Variants in COL1A2 observed in about 807,000 individuals in gnomAD.
COL1A2 encodes the protein collagen type I alpha 2 chain, also known as collagen alpha-2(I) chain.
A neutral mutation model predicts 174.3 loss-of-function variants in COL1A2; 49 were observed. The ratio of observed to expected loss-of-function variants is 0.28; its 90% confidence interval spans 0.22 to 0.36. The LOEUF is 0.36. COL1A2 is among the 10% of genes least tolerant of loss of function. The probability of loss-of-function intolerance (pLI) is 1.00; values close to 1 mark genes in which losing one functional copy is unlikely to be tolerated. For missense variants in COL1A2, 1,438 were observed against 1,822.7 expected (o/e 0.79, Z 3.84); for synonymous variants, 655 against 606.6 (o/e 1.08, Z -1.17).
At chr7:94,408,956 A>G in intron 16 of COL1A2, 133 bp downstream of exon 16, 2 of 860,568 alleles carry the variant, frequency 2.3e-6, no homozygotes, top group East Asian at 5.3e-5. Context: ...TTCAAAATGG[A>G]CATAGAATGA....
chr7:94,427,762 G>A lies in COL1A2; in HGVS notation c.3403G>A (p.Val1135Ile), dbSNP rs530579987. ...TTCTCTCAGACCCAAGGACTATGAA[G>A]TTGATGCTACTCTGAAGTCTCTCAA... ...APSLRPKDYE[V>I]DATLKSLNNQ... Residue 1135 changes from valine (V) to isoleucine (I), a missense_variant, in exon 49 of 52, where the codon GTT (valine) becomes ATT (isoleucine). Val to Ile is a conservative substitution (Grantham distance 29). Transcript: ENST00000297268. 3 of 1,614,018 alleles carry A rather than the reference G, an allele frequency of 1.9e-6. No individual in the cohort carries two copies. Among genetic ancestry groups the A allele is most frequent in the African/African-American group, 2.7e-5 (2 of 74,900 alleles).
At chr7:94,407,913 G>C in intron 13 of COL1A2, 22 bp downstream of exon 13, 5 of 1,606,838 alleles carry the variant, frequency 3.1e-6, no homozygotes, top group Non-Finnish European at 4.3e-6. Flanking sequence ...CTACTTCATT[G>C]TAAATTTAAA....
rs1356921816 is a variant in COL1A2, at chr7:94,401,598, T to C, written c.257T>C (p.Val86Ala). The change falls in exon 6 of 52, where the codon GTT (valine) becomes GCT (alanine). Residue 86 changes from valine to alanine, a missense_variant. Val to Ala is a moderately conservative substitution (Grantham distance 64). Transcript: ENST00000297268. ...NFAAQYDGKG[V>A]GLGPGPMGLM... ...GCTGCTCAGTATGATGGAAAAGGAG[T>C]TGGACTTGGCCCTGGACCAATGGTA... is the stretch of plus-strand genomic sequence containing the variant. The C allele has an allele frequency of 1.3e-6, 2 of 1,576,844 alleles. No homozygotes were observed. The highest frequency in any genetic ancestry group is 2.3e-5 in the South Asian group (2 of 85,856).
At chr7:94,411,035 T>G (rs749314718) in intron 22 of COL1A2, 21 bp from the exon 23 acceptor site, 1 of 898,914 alleles carries the variant, frequency 1.1e-6, no homozygotes, top group Non-Finnish European at 1.6e-6. Flanking sequence ...CTCTATCTGT[T>G]TTTTTTTTTT....
At chr7:94,407,239 G>C (rs776226665) in intron 12 of COL1A2, among the ~76,000 whole-genome samples, 2 of 152,074 alleles carry the variant, frequency 1.3e-5, no homozygotes, top group Non-Finnish European at 2.9e-5. Flanking sequence ...TAGAATCCTG[G>C]AAATTAAGGG....
chr7:94,421,014 A>T lies in COL1A2; in HGVS notation c.2301A>T (p.Pro767=). 1.2e-6 allele frequency: 2 copies of T among 1,614,146 alleles called. No homozygotes were observed. The highest frequency in any genetic ancestry group is 1.7e-6 in the Non-Finnish European group (2 of 1,180,016). The change falls in exon 38 of 52, where the codon CCA becomes CCT. Residue 767 remains proline (P), a synonymous_variant. Transcript: ENST00000297268. The part of the protein sequence containing the change: ...GPVGAAGPAG[P]NGPPGPAGSR... The stretch of plus-strand genomic sequence containing the variant: ...ATCTTTTTGTTTGCATTTAGGGTCC[A>T]AATGGTCCCCCCGGTCCTGCTGGAA...
Position 94,395,819 on chromosome 7 carries a change from TAA to T in COL1A2, c.70+719_70+720del, listed in dbSNP as rs201691876. On this transcript the variant is annotated intron_variant, in intron 1 of 51. Transcript: ENST00000297268. ...AGTGGGTACATTCTGAAAAGTAATATAAGTGTCTCAATTCACTTTCTAGTCAT... is the reference window on the plus strand; with the variant it reads ...AGTGGGTACATTCTGAAAAGTAATATGTGTCTCAATTCACTTTCTAGTCAT... Among the ~76,000 whole-genome samples the T allele has an allele frequency of 0.017, 2,541 of 152,254 alleles. 35 individuals are homozygous for T. Among genetic ancestry groups the T allele is most frequent in the South Asian group, 0.034 (166 of 4,828 alleles).
chr7:94,412,133 T>A lies in COL1A2; in HGVS notation c.1404+12T>A. 1 of 1,609,734 alleles carries A rather than the reference T, an allele frequency of 6.2e-7. No individual in the cohort carries two copies. Among genetic ancestry groups the A allele is most frequent in the Non-Finnish European group, 8.5e-7 (1 of 1,176,854 alleles). On this transcript the variant is annotated intron_variant, in intron 24 of 51. Coordinates refer to ENST00000297268, the MANE Select transcript of COL1A2 (RefSeq NM_000089.4). ...AAGAAGGTCCTGTCGTAAGTATTGC[T>A]CATTTTCCATTATATTTTCAAGGAC...
chr7:94,416,325 C>A, intron 30 of COL1A2, 80 bp from the exon 31 acceptor site: 1 of 1,274,396 alleles, frequency 7.8e-7, no homozygotes, highest in Non-Finnish European at 1.1e-6. Context: ...GGAAGCTACA[C>A]AAATGTAAAC....
At chr7:94,424,876 A>AT in intron 41 of COL1A2, 1 of 554,478 alleles carries the variant, frequency 1.8e-6, no homozygotes, top group Non-Finnish European at 3.2e-6. Context: ...GGGATACTGA[A>AT]TGACACGAGG....
chr7:94,431,089 T>G lies in COL1A2; in HGVS notation c.*696T>G, dbSNP rs1237508761. 6.6e-6 allele frequency: 1 copy of G among 152,658 alleles called. No individual in the cohort carries two copies. The highest frequency in any genetic ancestry group is 2.4e-5 in the African/African-American group (1 of 41,458). 9.5% of individuals were successfully genotyped at this position (152,658 alleles called of 1,614,324 possible). On this transcript the variant is annotated 3_prime_UTR_variant, in exon 52 of 52. Transcript: ENST00000297268. ...CATTTGTTCTTTGCCAGTCTCATTTTCATCTTCTTCCATGGTTCCACAGAA... is the reference window on the plus strand; with the variant it reads ...CATTTGTTCTTTGCCAGTCTCATTTGCATCTTCTTCCATGGTTCCACAGAA...
At chr7:94,412,961 C>A in intron 25 of COL1A2, 122 bp from the exon 26 acceptor site, 1 of 968,572 alleles carries the variant, frequency 1.0e-6, no homozygotes, top group Non-Finnish European at 1.7e-6. Context: ...ACAGAAACCA[C>A]AGACTAGGGA....
At chr7:94,395,671 A>G (rs1054147853) in intron 1 of COL1A2, 3 of 188,776 alleles carry the variant, frequency 1.6e-5, no homozygotes, top group African/African-American at 7.2e-5. Flanking sequence ...CAGGGCCTTA[A>G]GCAGATGGAA....
intron 42 of COL1A2, 75 bp from the exon 43 acceptor site, chr7:94,425,535 A>C: frequency 7.0e-7 from 1 of 1,428,570 alleles, no homozygotes; most frequent in Non-Finnish European, 9.9e-7. Context: ...TGATGAAGAC[A>C]GAGTAGCTAC....
intron 35 of COL1A2, 26 bp from the exon 36 acceptor site, chr7:94,420,365 A>G: frequency 6.2e-7 from 1 of 1,614,114 alleles, no homozygotes; most frequent in Non-Finnish European, 8.5e-7. Flanking sequence ...TTGATAACAC[A>G]TTTTTAAATC....
chr7:94,420,780 A>G (rs971668813), intron 37 of COL1A2, 132 bp downstream of exon 37: 3 of 935,828 alleles, frequency 3.2e-6, no homozygotes, highest in Non-Finnish European at 5.1e-6. Flanking sequence ...GGAAGGATTA[A>G]CATTTGCACA....
At chr7:94,417,631 T>C in intron 31 of COL1A2, 93 bp from the exon 32 acceptor site, 2 of 1,086,102 alleles carry the variant, frequency 1.8e-6, no homozygotes. Context: ...GAAGCCTGTC[T>C]AGCTAGCTGT....
At chr7:94,426,598 T>C (rs555231939) in intron 46 of COL1A2, 68 bp downstream of exon 46, 1 of 1,166,296 alleles carries the variant, frequency 8.6e-7, no homozygotes, top group African/African-American at 1.5e-5. Flanking sequence ...AGGATTTTCA[T>C]ATTTTCACTG....
In COL1A2 at chr7:94,421,055, G is replaced by GC; in HGVS notation, c.2348dup (p.Gly784TrpfsTer41). ...CCTGCTGGAAGTCGTGGTGATGGAG[G>GC]CCCCCCTGTGAGTATTTACAATGGA... On this transcript the variant is annotated frameshift_variant, in exon 38 of 52. Transcript: ENST00000297268. LOFTEE classifies it high-confidence loss of function. 4 of 1,614,054 alleles carry GC rather than the reference G, an allele frequency of 2.5e-6. No homozygotes were observed. The highest frequency in any genetic ancestry group is 2.5e-6 in the Non-Finnish European group (3 of 1,180,000).
Sources: gnomAD v4.1 joint callset for allele counts (sites outside exome capture counted in the v4.1 genomes callset) on GRCh38, gnomAD v4.1.1 for gene constraint, MANE v1.5 for transcripts, NCBI Gene and HGNC (gene_info 2026-07-23, HGNC 2026-07-21) for gene names.